ZNF253: variants seen among roughly 807,000 people sequenced by gnomAD.
The protein encoded by ZNF253 is DNA-binding protein.
In ZNF253, 8 loss-of-function variants were observed where a neutral mutation model predicts 11.9. That is an observed-to-expected ratio of 0.67 (90% CI 0.40 to 1.22). The LOEUF is 1.22. Among genes scored for constraint, ZNF253 ranks in the 50% most tolerant of loss-of-function variants. ZNF253 has a pLI of 0.01. For synonymous variants in ZNF253, 194 were observed against 194.9 expected (o/e 1.00, Z 0.04); for missense variants, 485 against 586.9 (o/e 0.83, Z 1.79).
chr19:19,879,993 C>A, intron 2 of ZNF253, 58 bp from the exon 3 acceptor site: 2 of 1,235,544 alleles, frequency 1.6e-6, no homozygotes. Context: ...GAGCACAGTA[C>A]TAGCTTGTAA....
At position 19,894,314 on chromosome 19, in the gene ZNF253, CTATTA is replaced by C. The variant is rs1265788275; in HGVS notation, c.*1572_*1576del. 3.9e-5 allele frequency: 6 copies of C among 151,956 alleles called. No individual in the cohort carries two copies. The highest frequency in any genetic ancestry group is 9.7e-5 in the African/African-American group (4 of 41,368). The allele number at this position is 151,956 out of a possible 1,614,324, so 9.4% of individuals were successfully genotyped here. On this transcript the variant is annotated 3_prime_UTR_variant, in exon 4 of 4. Coordinates refer to ENST00000589717, the MANE Select transcript of ZNF253 (RefSeq NM_021047.3). ...CACATTGCTTTATGCTATTTTATTCCTATTATATTCACATGTGAAAGCATGTGATC... is the reference window on the plus strand; with the variant it reads ...CACATTGCTTTATGCTATTTTATTCCTATTCACATGTGAAAGCATGTGATC...
chr19:19,877,861 G>A (rs554442993), intron 1 of ZNF253, among the ~76,000 whole-genome samples: 27 of 151,972 alleles, frequency 1.8e-4, no homozygotes, highest in Admixed American at 5.2e-4. Flanking sequence ...TTAATCTGGC[G>A]TCTATCCTTT....
chr19:19,877,499 C>T (rs528217528), intron 1 of ZNF253, among the ~76,000 whole-genome samples: 2 of 152,192 alleles, frequency 1.3e-5, no homozygotes, highest in South Asian at 4.2e-4. Context: ...CCTCAGCCTC[C>T]TGAGTAGCTG....
chr19:19,886,231 G>T (rs1052246654), intron 3 of ZNF253, among the ~76,000 whole-genome samples: 1 of 152,160 alleles, frequency 6.6e-6, no homozygotes. Context: ...GGCCCCAGGG[G>T]ATCCTGTTTT....
chr19:19,875,390 C>CTCTTTCTTTCTTTCTTTCTTTCTTTCTT (rs147837754), intron 1 of ZNF253, among the ~76,000 whole-genome samples: 10 of 150,738 alleles, frequency 6.6e-5, no homozygotes, highest in African/African-American at 2.2e-4. Context: ...CTACATTAAA[C>CTCTTTCTTTCTTTCTTTCTTTCTTTCTT]TCTTTCTTTC....
intron 1 of ZNF253, among the ~76,000 whole-genome samples, chr19:19,871,917 T>C (rs1296895387): frequency 1.3e-5 from 2 of 152,130 alleles, no homozygotes; most frequent in Non-Finnish European, 2.9e-5. Flanking sequence ...TAAAGTGCCA[T>C]CCAAAATTTA....
At position 19,892,335 on chromosome 19, in the gene ZNF253, C is replaced by T; in HGVS notation, c.1088C>T (p.Thr363Ile). Residue 363 changes from threonine (T) to isoleucine (I), a missense_variant, in exon 4 of 4, where the codon ACT becomes ATT. Physicochemically the swap from Thr to Ile is moderately conservative, Grantham distance 89 (BLOSUM62 -1). Coordinates refer to ENST00000589717, the MANE Select transcript of ZNF253 (RefSeq NM_021047.3). ...SHLTTHKILH[T>I]GEKPYRCREC... ...CTTACTACACATAAGATACTTCATA[C>T]TGGAGAGAAACCCTACAGATGTAGA... 6.2e-7 allele frequency: 1 copy of T among 1,611,576 alleles called. No individual in the cohort carries two copies. Among genetic ancestry groups the T allele is most frequent in the East Asian group, 2.2e-5 (1 of 44,754 alleles).
chr19:19,890,942 A>G (rs1238157779), intron 3 of ZNF253, among the ~76,000 whole-genome samples: 1 of 147,180 alleles, frequency 6.8e-6, no homozygotes, highest in East Asian at 2.0e-4. Context: ...CCCTGGTTCA[A>G]GCAATTCTCT....
intron 3 of ZNF253, among the ~76,000 whole-genome samples, chr19:19,882,153 C>T (rs1441425948): frequency 1.3e-5 from 2 of 150,954 alleles, no homozygotes; most frequent in African/African-American, 4.9e-5. Context: ...CACACCATTG[C>T]ACTCCAGCCT....
rs1568494431 is a variant in ZNF253, at chr19:19,872,573, A to ATTAT, written c.4-5907_4-5906insTATT. On this transcript the variant is annotated intron_variant, in intron 1 of 3. Coordinates refer to ENST00000589717, the MANE Select transcript of ZNF253 (RefSeq NM_021047.3). ...CCCTAAACCATAACTATATATATAT[A>ATTAT]TATATATTATTATATATATATATAT... Among the ~76,000 whole-genome samples, 4 of 113,798 alleles carry ATTAT rather than the reference A, an allele frequency of 3.5e-5. No homozygotes were observed. In the East Asian group the frequency reaches 1.2e-3, roughly 35 times the overall value. The allele number at this position is 113,798 out of a possible 152,430, so 74.7% of individuals were successfully genotyped here. A position where few individuals can be genotyped will look rare whatever the true frequency, so the allele number is the denominator to read the frequency against.
At chr19:19,874,772 C>T (rs551201574) in intron 1 of ZNF253, among the ~76,000 whole-genome samples, 89 of 151,990 alleles carry the variant, frequency 5.9e-4, no homozygotes, top group Non-Finnish European at 1.1e-3. Flanking sequence ...ATTAGCCGGG[C>T]GTGGTGGTGG....
rs760535297 is a variant in ZNF253, at chr19:19,892,253, G to C, written c.1006G>C (p.Gly336Arg). ...NLTIHKRIHT[G>R]EKPYKCEECG... ...TACTATACATAAGAGAATTCATACA[G>C]GAGAGAAACCCTACAAATGTGAAGA... The change falls in exon 4 of 4, where the codon GGA becomes CGA. Residue 336 changes from glycine to arginine, a missense_variant. By Grantham distance (125) the Gly-to-Arg change is moderately radical (BLOSUM62 -2). This residue lies in a region of ZNF253 where 232 missense variants were observed against 321.4 expected (regional missense o/e 0.72). Coordinates refer to ENST00000589717, the MANE Select transcript of ZNF253 (RefSeq NM_021047.3). 2 of 1,613,814 alleles carry C rather than the reference G, an allele frequency of 1.2e-6. No individual in the cohort carries two copies. Among genetic ancestry groups the C allele is most frequent in the Non-Finnish European group, 1.7e-6 (2 of 1,179,954 alleles).
At chr19:19,883,972 G>A (rs560980421) in intron 3 of ZNF253, among the ~76,000 whole-genome samples, 1 of 151,030 alleles carries the variant, frequency 6.6e-6, no homozygotes, top group Non-Finnish European at 1.5e-5. Context: ...TAGGAAAATC[G>A]CTTGAACCTG....
intron 2 of ZNF253, 185 bp downstream of exon 2, chr19:19,878,792 G>A: frequency 2.0e-6 from 1 of 510,306 alleles, no homozygotes; most frequent in Non-Finnish European, 3.2e-6. Flanking sequence ...AGATAACCCT[G>A]TAATCAATAA....
At chr19:19,869,677 TTTTTTTTTTTAA>T (rs1212027700) in intron 1 of ZNF253, among the ~76,000 whole-genome samples, 1 of 122,050 alleles carries the variant, frequency 8.2e-6, no homozygotes, top group African/African-American at 4.2e-5. Flanking sequence ...TTTTTTTTTT[TTTTTTTTTTTAA>T]AAAACAGTCT....
chr19:19,893,684 G>T lies in ZNF253; in HGVS notation c.*937G>T, dbSNP rs2063243475. On this transcript the variant is annotated 3_prime_UTR_variant, in exon 4 of 4. Transcript: ENST00000589717. ...CTCACATCTTACTGAACAGAAGAAG[G>T]TTCATAGTTAATAAAGCATTAAAAG... 1 of 152,120 alleles carries T rather than the reference G, an allele frequency of 6.6e-6. No homozygotes were observed. Among genetic ancestry groups the T allele is most frequent in the Admixed American group, 6.6e-5 (1 of 15,264 alleles). 9.4% of individuals were successfully genotyped at this position (152,120 alleles called of 1,614,324 possible).
Position 19,872,561 on chromosome 19 carries a change from C to CTATATATATATATATATATATATATA in ZNF253, c.4-5901_4-5900insATATATATATATATATATATATATAT, listed in dbSNP as rs58650123. Among the ~76,000 whole-genome samples the CTATATATATATATATATATATATATA allele has an allele frequency of 5.3e-4, 65 of 121,874 alleles. No homozygotes were observed. The South Asian group carries it at 6.3e-3, about 12-fold the overall frequency. The allele number at this position is 121,874 out of a possible 152,430, so 80.0% of individuals were successfully genotyped here. A position where few individuals can be genotyped will look rare whatever the true frequency, so the allele number is the denominator to read the frequency against. On this transcript the variant is annotated intron_variant, in intron 1 of 3. Coordinates refer to ENST00000589717, the MANE Select transcript of ZNF253 (RefSeq NM_021047.3). ...CTATATCCCATACCCTAAACCATAA[C>CTATATATATATATATATATATATATA]TATATATATATATATATATTATTAT...
chr19:19,892,445 G>A lies in ZNF253; in HGVS notation c.1198G>A (p.Glu400Lys). ...HTGEKPYKCDECGKTFTWPSI... is the reference protein window; with the variant it reads ...HTGEKPYKCDKCGKTFTWPSI... The stretch of plus-strand genomic sequence containing the variant: ...TGGAGAGAAACCCTACAAATGTGAT[G>A]AATGTGGCAAAACCTTTACCTGGCC... The change falls in exon 4 of 4, where the codon GAA (glutamate) becomes AAA (lysine). Residue 400 changes from glutamate to lysine, a missense_variant. Glu to Lys is a moderately conservative substitution (Grantham distance 56, BLOSUM62 1). Transcript: ENST00000589717. The A allele has an allele frequency of 6.2e-7, 1 of 1,613,876 alleles. No homozygotes were observed. The highest frequency in any genetic ancestry group is 8.5e-7 in the Non-Finnish European group (1 of 1,179,986).
chr19:19,889,585 A>T (rs922423443), intron 3 of ZNF253, among the ~76,000 whole-genome samples: 1 of 151,676 alleles, frequency 6.6e-6, no homozygotes, highest in East Asian at 1.9e-4. Flanking sequence ...ACCTCAAATG[A>T]TCCACCCACC....
Sources: allele counts gnomAD v4.1 joint callset (sites outside exome capture counted in the v4.1 genomes callset), GRCh38; gene constraint gnomAD v4.1.1; regional missense constraint gnomAD v4.1.1; transcripts MANE v1.5; gene names NCBI Gene and HGNC (gene_info 2026-07-23, HGNC 2026-07-21).